Variants in STPG2 observed in about 807,000 individuals in gnomAD.
STPG2 encodes the protein sperm tail PG-rich repeat containing 2.
Under a neutral mutation model 54.2 loss-of-function variants are expected in STPG2, and 56 were observed. That is an observed-to-expected ratio of 1.03 (90% CI 0.83 to 1.29). The LOEUF is 1.29. Among genes scored for constraint, STPG2 ranks in the 50% most tolerant of loss-of-function variants. The probability of loss-of-function intolerance (pLI) is 0.00; values close to 1 mark genes in which losing one functional copy is unlikely to be tolerated. For synonymous variants in STPG2, 200 were observed against 181.8 expected, an observed-to-expected ratio of 1.10 and a Z score of -0.81; for missense variants, 596 against 544.9, an observed-to-expected ratio of 1.09 and a Z score of -0.93.
At chr4:97,451,570 A>C (rs1729365722) in intron 4 of STPG2, among the ~76,000 whole-genome samples, 1 of 152,200 alleles carries the variant, frequency 6.6e-6, no homozygotes, top group African/African-American at 2.4e-5. Context: ...ATCACCTTGT[A>C]CTTGAGAAAG....
intron 8 of STPG2, among the ~76,000 whole-genome samples, chr4:97,909,861 C>A (rs1170261620): frequency 1.3e-5 from 2 of 151,754 alleles, no homozygotes. Context: ...TAAAACTTTC[C>A]CCCAGAAACA....
Position 97,737,903 on chromosome 4 carries a change from A to T in STPG2, c.1205-25089T>A, listed in dbSNP as rs566076060. 4.3e-3 allele frequency among the ~76,000 whole-genome samples: 657 copies of T among 152,244 alleles called. 5 individuals are homozygous for T. The highest frequency in any genetic ancestry group is 0.015 in the African/African-American group (614 of 41,546). On this transcript the variant is annotated intron_variant, in intron 9 of 10. Transcript: ENST00000295268. Reference sequence around the variant, plus strand: ...TTGCAAAGAGCAACTCCAAGACACAAAATTGCCAGATTCACCAAAGTTGAA... The same window carrying T: ...TTGCAAAGAGCAACTCCAAGACACATAATTGCCAGATTCACCAAAGTTGAA...
intron 10 of STPG2, among the ~76,000 whole-genome samples, chr4:97,601,802 T>C (rs920827172): frequency 3.3e-5 from 5 of 151,908 alleles, no homozygotes; most frequent in African/African-American, 9.7e-5. Flanking sequence ...TTCTTTATAA[T>C]TGCAAATAAA....
chr4:97,553,954 T>G (rs1732022408), downstream of STPG2, among the ~76,000 whole-genome samples: 1 of 152,196 alleles, frequency 6.6e-6, no homozygotes, highest in South Asian at 2.1e-4. Flanking sequence ...GACAGACACT[T>G]TAATATATTC....
At chr4:97,584,105 T>TC (rs1732931883) in intron 10 of STPG2, among the ~76,000 whole-genome samples, 1 of 151,888 alleles carries the variant, frequency 6.6e-6, no homozygotes, top group African/African-American at 2.4e-5. Context: ...TATGGAACAT[T>TC]CCCCAAGATA....
At chr4:98,096,947 A>G (rs1298243263) in intron 5 of STPG2, among the ~76,000 whole-genome samples, 1 of 152,138 alleles carries the variant, frequency 6.6e-6, no homozygotes, top group Non-Finnish European at 1.5e-5. Flanking sequence ...CAAAACCTGA[A>G]CAGAACAAGT....
chr4:98,094,046 T>C (rs1738771397), intron 5 of STPG2, among the ~76,000 whole-genome samples: 1 of 152,126 alleles, frequency 6.6e-6, no homozygotes, highest in Admixed American at 6.5e-5. Context: ...GAAGCTAGGA[T>C]AGCACAGGAC....
chr4:97,800,555 A>T (rs534983735), intron 9 of STPG2, among the ~76,000 whole-genome samples: 1 of 152,180 alleles, frequency 6.6e-6, no homozygotes, highest in Non-Finnish European at 1.5e-5. Flanking sequence ...TTCGTCTCAG[A>T]GTGGTACCCG....
intron 4 of STPG2, among the ~76,000 whole-genome samples, chr4:97,445,118 A>G (rs563820546): frequency 9.2e-5 from 14 of 152,342 alleles, no homozygotes; most frequent in Non-Finnish European, 1.8e-4. Context: ...GATAAAAATA[A>G]TAAGTTGAGG....
chr4:97,806,523 A>G (rs569261406), intron 9 of STPG2, among the ~76,000 whole-genome samples: 103 of 152,256 alleles, frequency 6.8e-4, no homozygotes, highest in Non-Finnish European at 1.1e-3. Context: ...ATGAAAGTTG[A>G]AAATAAATAA....
chr4:97,769,663 T>G (rs1049778418), intron 9 of STPG2, among the ~76,000 whole-genome samples: 4 of 152,008 alleles, frequency 2.6e-5, no homozygotes, highest in Non-Finnish European at 5.9e-5. Context: ...TATATATATA[T>G]AGAAAACACA....
In STPG2 at chr4:97,700,225, G is replaced by C. The variant is rs575408479; in HGVS notation, c.1320+12474C>G. On this transcript the variant is annotated intron_variant, in intron 10 of 10. Coordinates refer to ENST00000295268, the MANE Select transcript of STPG2 (RefSeq NM_174952.3). ...CTGCCACTGATACCACAACCAATTG[G>C]ATCTGTTGAGTCATATGGCCCCAGT... Among the ~76,000 whole-genome samples, 4 of 152,250 alleles carry C rather than the reference G, an allele frequency of 2.6e-5. No individual in the cohort carries two copies. In the South Asian group the frequency reaches 6.2e-4, roughly 24 times the overall value.
chr4:97,821,830 C>A lies in STPG2; in HGVS notation c.1204+18943G>T, dbSNP rs187664174. On this transcript the variant is annotated intron_variant, in intron 9 of 10. Coordinates refer to ENST00000295268, the MANE Select transcript of STPG2 (RefSeq NM_174952.3). ...AGTGGCCTGAATGCCAGAGTAGTGT[C>A]CCAAGGCTGCACAAGGCAGCCAAGC... Among the ~76,000 whole-genome samples, 28 of 152,260 alleles carry A rather than the reference C, an allele frequency of 1.8e-4. No individual in the cohort carries two copies. In the East Asian group the frequency reaches 5.4e-3, roughly 29 times the overall value.
intron 4 of STPG2, among the ~76,000 whole-genome samples, chr4:97,522,682 G>T (rs1453918837): frequency 1.3e-5 from 2 of 151,930 alleles, no homozygotes; most frequent in Non-Finnish European, 2.9e-5. Flanking sequence ...TAGTCTTACT[G>T]ATTTAAGCAG....
At chr4:97,709,745 C>A (rs1724053860) in intron 10 of STPG2, among the ~76,000 whole-genome samples, 1 of 151,592 alleles carries the variant, frequency 6.6e-6, no homozygotes, top group African/African-American at 2.4e-5. Flanking sequence ...CTTATCTAAA[C>A]CTTAAAAAAA....
At chr4:97,443,892 A>G (rs183353243) in intron 4 of STPG2, among the ~76,000 whole-genome samples, 8 of 152,346 alleles carry the variant, frequency 5.3e-5, no homozygotes, top group African/African-American at 1.9e-4. Context: ...AGTTGGAGAT[A>G]TCTATCACAG....
At chr4:97,791,002 C>A (rs1396670841) in intron 9 of STPG2, among the ~76,000 whole-genome samples, 10 of 152,024 alleles carry the variant, frequency 6.6e-5, no homozygotes, top group Admixed American at 5.9e-4. Context: ...TTCTACCAAA[C>A]TTTTGCATAC....
At chr4:97,447,898 T>C (rs1046457884) in intron 4 of STPG2, among the ~76,000 whole-genome samples, 3 of 152,052 alleles carry the variant, frequency 2.0e-5, no homozygotes, top group African/African-American at 7.2e-5. Flanking sequence ...CCAAGAATAG[T>C]AGGTCTACTG....
chr4:97,710,616 G>A (rs944334179), intron 10 of STPG2, among the ~76,000 whole-genome samples: 1 of 151,920 alleles, frequency 6.6e-6, no homozygotes, highest in African/African-American at 2.4e-5. Flanking sequence ...AACGTAAAAA[G>A]TTTACAGCAA....
Sources: allele counts gnomAD v4.1 joint callset (sites outside exome capture counted in the v4.1 genomes callset), GRCh38; gene constraint gnomAD v4.1.1; transcripts MANE v1.5; gene names NCBI Gene and HGNC (gene_info 2026-07-23, HGNC 2026-07-21).